Variants in VARS1 observed in about 807,000 individuals in gnomAD.
The protein encoded by VARS1 is valine--tRNA ligase.
VARS1 carries 92 observed loss-of-function variants against 161.0 expected under a neutral mutation model. The ratio of observed to expected loss-of-function variants is 0.57; its 90% CI spans 0.48 to 0.68. VARS1 has a LOEUF of 0.68. Ranked by LOEUF, VARS1 falls within the 30% of genes least tolerant of loss-of-function variation. The pLI is 0.00. For missense variants in VARS1, 1,338 were observed against 1,695.9 expected, an observed-to-expected ratio of 0.79 and a Z score of 3.71; for synonymous variants, 595 against 682.5, an observed-to-expected ratio of 0.87 and a Z score of 2.00.
Position 31,781,158 on chromosome 6 carries a change from T to C in VARS1, c.2545-35A>G. ...AGGTGGGGAGGCCCATGAGACTCAG[T>C]CCTCTCCTTCCCCGGCCTCAGTGCC... On this transcript the variant is annotated intron_variant, in intron 21 of 29. Transcript: ENST00000375663. This position sits in a 1 kb window ranked among gnomAD's most constrained non-coding sequence, Gnocchi z 6.8. 2 of 1,606,846 alleles carry C rather than the reference T, an allele frequency of 1.2e-6. No homozygotes were observed. Among genetic ancestry groups the C allele is most frequent in the Non-Finnish European group, 1.7e-6 (2 of 1,176,118 alleles).
chr6:31,792,687 A>C, intron 4 of VARS1, 70 bp downstream of exon 4: 2 of 1,601,036 alleles, frequency 1.2e-6, no homozygotes, highest in Non-Finnish European at 1.7e-6. Context: ...ATTTCTAGGA[A>C]AAAAAGAAAG....
intron 2 of VARS1, 149 bp downstream of exon 2, chr6:31,794,682 C>A: frequency 8.7e-7 from 1 of 1,148,030 alleles, no homozygotes; most frequent in South Asian, 2.0e-5. Flanking sequence ...ATGAAACGTG[C>A]CCAGGGTTAC....
chr6:31,784,613 G>A lies in VARS1; in HGVS notation c.1449C>T (p.Ser483=), dbSNP rs137996034. 8.7e-6 allele frequency: 14 copies of A among 1,613,240 alleles called. No homozygotes were observed. The East Asian group carries it at 1.3e-4, about 15-fold the overall frequency. Residue 483 remains serine (S), a synonymous_variant, in exon 11 of 30, where the codon TCC becomes TCT. Transcript: ENST00000375663. The surrounding 1 kb of genome is among the most constrained non-coding windows in gnomAD (Gnocchi z 6.1). ...RLVNWSCTLN[S]AISDIEVDKK... The stretch of plus-strand genomic sequence containing the variant: ...GGCGCACCTCAATGTCAGAGATGGC[G>A]GAGTTGAGGGTGCAGGACCAGTTAA...
chr6:31,790,220 CA>C (rs1045478287), intron 8 of VARS1, among the ~76,000 whole-genome samples: 5 of 151,598 alleles, frequency 3.3e-5, no homozygotes, highest in African/African-American at 1.2e-4. Context: ...GCAGGTTGGA[CA>C]AACTTGATAT....
rs1438741334 is a variant in VARS1 at position 31,782,316 on chromosome 6, G to A, written c.2119C>T (p.Arg707Cys). ...DLRILPEAHQ[R>C]TWHAWMDNIR... ...TTGTCCATCCAGGCATGCCATGTGC[G>A]CTGATGGGCCTCAGGCAGGATGCGG... is the stretch of plus-strand genomic sequence containing the variant. Residue 707 changes from arginine to cysteine, a missense_variant, in exon 17 of 30, where the codon CGC becomes TGC. Transcript: ENST00000375663. This position sits in a 1 kb window ranked among gnomAD's most constrained non-coding sequence, Gnocchi z 8.3. The A allele has an allele frequency of 3.7e-6, 6 of 1,613,000 alleles. No individual in the cohort carries two copies. Among genetic ancestry groups the A allele is most frequent in the South Asian group, 1.1e-5 (1 of 91,054 alleles).
intron 2 of VARS1, 79 bp from the exon 3 acceptor site, chr6:31,793,199 C>T: frequency 6.7e-7 from 1 of 1,498,584 alleles, no homozygotes; most frequent in Non-Finnish European, 8.8e-7. Context: ...ATGTGGCCTC[C>T]CTCCACCCCA....
rs1328713017 is a variant in VARS1, at chr6:31,782,038, C to T, written c.2241+49G>A. The T allele has an allele frequency of 6.2e-7, 1 of 1,612,512 alleles. No individual in the cohort carries two copies. Reference sequence around the variant, plus strand: ...CCCCCCACCAAGGACCCAGTAAACCCACCACTCCAGCAGGGTGTCCCAGCA... The same window carrying T: ...CCCCCCACCAAGGACCCAGTAAACCTACCACTCCAGCAGGGTGTCCCAGCA... On this transcript the variant is annotated intron_variant, in intron 18 of 29. Coordinates refer to ENST00000375663, the MANE Select transcript of VARS1 (RefSeq NM_006295.3). The surrounding 1 kb of genome is among the most constrained non-coding windows in gnomAD (Gnocchi z 8.3).
In VARS1 at chr6:31,779,439, C is replaced by T. The variant is rs150145769; in HGVS notation, c.3386G>A (p.Arg1129Gln). ...CTGAGGCTCACAGTCAGGCCGGATCCGGGTGAGGTTGTAGTCGGCCCGCAG... is the reference window on the plus strand; with the variant it reads ...CTGAGGCTCACAGTCAGGCCGGATCTGGGTGAGGTTGTAGTCGGCCCGCAG... ...RSLRADYNLTRIRPDCFLEVA... is the reference protein window; with the variant it reads ...RSLRADYNLTQIRPDCFLEVA... Residue 1129 changes from arginine (R) to glutamine (Q), a missense_variant, in exon 28 of 30, where the codon CGG (arginine) becomes CAG (glutamine). Transcript: ENST00000375663. This position sits in a 1 kb window ranked among gnomAD's most constrained non-coding sequence, Gnocchi z 9.1. 3.6e-4 allele frequency: 583 copies of T among 1,612,084 alleles called. No individual in the cohort carries two copies. The highest frequency in any genetic ancestry group is 4.6e-4 in the Non-Finnish European group (545 of 1,179,978).
At position 31,782,776 on chromosome 6, in the gene VARS1, G is replaced by A; in HGVS notation, c.1832C>T (p.Ala611Val). The A allele has an allele frequency of 6.2e-7, 1 of 1,613,028 alleles. No homozygotes were observed. The highest frequency in any genetic ancestry group is 8.5e-7 in the Non-Finnish European group (1 of 1,180,018). ...YEVGQRHGLE[A>V]ISIMDSRGAL... ...CCCCCGGGAGTCCATGATGCTGATG[G>A]CCTCCAGCCCGTGCCGCTGCCCAAC... Residue 611 changes from alanine (A) to valine (V), a missense_variant, in exon 15 of 30, where the codon GCC (alanine) becomes GTC (valine). Transcript: ENST00000375663. The surrounding 1 kb of genome is among the most constrained non-coding windows in gnomAD (Gnocchi z 8.3).
At position 31,781,404 on chromosome 6, in the gene VARS1, C is replaced by G. The variant is rs945153563; in HGVS notation, c.2544+77G>C. On this transcript the variant is annotated intron_variant, in intron 21 of 29. Coordinates refer to ENST00000375663, the MANE Select transcript of VARS1 (RefSeq NM_006295.3). The surrounding 1 kb of genome is among the most constrained non-coding windows in gnomAD (Gnocchi z 6.8). ...CACAGCTAACCCCATGCCCCAGCCA[C>G]GCGGGGTCTGCGCTGCAGCACAGGA... 1.3e-5 allele frequency: 20 copies of G among 1,559,634 alleles called. No individual in the cohort carries two copies. The highest frequency in any genetic ancestry group is 1.9e-5 in the Admixed American group (1 of 52,086).
In VARS1 at chr6:31,791,894, C is replaced by T; in HGVS notation, c.949G>A (p.Gly317Ser). The T allele has an allele frequency of 6.2e-7, 1 of 1,607,722 alleles. No homozygotes were observed. The highest frequency in any genetic ancestry group is 8.5e-7 in the Non-Finnish European group (1 of 1,176,740). The change falls in exon 7 of 30, where the codon GGC (glycine) becomes AGC (serine). Residue 317 changes from glycine to serine, a missense_variant. Coordinates refer to ENST00000375663, the MANE Select transcript of VARS1 (RefSeq NM_006295.3). The surrounding 1 kb of genome is among the most constrained non-coding windows in gnomAD (Gnocchi z 5.0). ...AAWYPWWEQQGFFKPEYGRPN... is the reference protein window; with the variant it reads ...AAWYPWWEQQSFFKPEYGRPN... The stretch of plus-strand genomic sequence containing the variant: ...ACCCCATACTCTGGCTTGAAGAAGC[C>T]CTGCTGCTCCCACCAAGGGTACCAG...
chr6:31,782,486 G>C lies in VARS1; in HGVS notation c.1992-43C>G, dbSNP rs916864263. 1 of 1,612,568 alleles carries C rather than the reference G, an allele frequency of 6.2e-7. No individual in the cohort carries two copies. Among genetic ancestry groups the C allele is most frequent in the Non-Finnish European group, 8.5e-7 (1 of 1,179,816 alleles). ...TGAGAAGGCCAGGCGGTAAAACCCT[G>C]AGGAGCCCTCCATCTTCCTCCCGTC... On this transcript the variant is annotated intron_variant, in intron 16 of 29. Coordinates refer to ENST00000375663, the MANE Select transcript of VARS1 (RefSeq NM_006295.3). This position sits in a 1 kb window ranked among gnomAD's most constrained non-coding sequence, Gnocchi z 8.3.
Position 31,781,179 on chromosome 6 carries a change from G to A in VARS1, c.2545-56C>T. The A allele has an allele frequency of 6.3e-7, 1 of 1,586,154 alleles. No individual in the cohort carries two copies. Among genetic ancestry groups the A allele is most frequent in the Non-Finnish European group, 8.6e-7 (1 of 1,160,932 alleles). ...TCAGTCCTCTCCTTCCCCGGCCTCA[G>A]TGCCCCGACCAGGACTGTGTCTGGT... On this transcript the variant is annotated intron_variant, in intron 21 of 29. Coordinates refer to ENST00000375663, the MANE Select transcript of VARS1 (RefSeq NM_006295.3). This position sits in a 1 kb window ranked among gnomAD's most constrained non-coding sequence, Gnocchi z 6.8.
rs1364383576 is a variant in VARS1, at chr6:31,784,448, C to A, written c.1522G>T (p.Glu508Ter). The A allele has an allele frequency of 6.2e-7, 1 of 1,614,012 alleles. No individual in the cohort carries two copies. Among genetic ancestry groups the A allele is most frequent in the Non-Finnish European group, 8.5e-7 (1 of 1,180,038 alleles). The change falls in exon 12 of 30, where the codon GAG becomes TAG. Residue 508 changes from glutamate (E) to a stop codon, truncating the protein, a stop_gained. Coordinates refer to ENST00000375663, the MANE Select transcript of VARS1 (RefSeq NM_006295.3). LOFTEE classifies it high-confidence loss of function. The surrounding 1 kb of genome is among the most constrained non-coding windows in gnomAD (Gnocchi z 6.1). ...RTLLSVPGYK[E>*]KVEFGVLVSF... is the part of the protein sequence containing the mutation. ...ACGAGGACCCCGAACTCCACCTTCT[C>A]CTTGTAGCCAGGCACGGAGAGCAGG...
In VARS1 at chr6:31,779,863, C is replaced by T; in HGVS notation, c.3082-49G>A. The T allele has an allele frequency of 6.2e-7, 1 of 1,607,082 alleles. No homozygotes were observed. The highest frequency in any genetic ancestry group is 2.2e-5 in the East Asian group (1 of 44,692). ...TCACGGCTGGAGGTCTAGCCTTGAG[C>T]CCTCGCTGTGCCTGTGAGGACTGGG... is the stretch of plus-strand genomic sequence containing the variant. On this transcript the variant is annotated intron_variant, in intron 26 of 29. Coordinates refer to ENST00000375663, the MANE Select transcript of VARS1 (RefSeq NM_006295.3). This position sits in a 1 kb window ranked among gnomAD's most constrained non-coding sequence, Gnocchi z 9.1.
At chr6:31,789,308 T>C (rs911829685) in intron 8 of VARS1, among the ~76,000 whole-genome samples, 6 of 151,772 alleles carry the variant, frequency 4.0e-5, no homozygotes, top group African/African-American at 1.5e-4. Flanking sequence ...GGGGAAAAGA[T>C]AGATACAGAC....
Position 31,782,118 on chromosome 6 carries a change from G to A in VARS1, c.2210C>T (p.Thr737Ile). 1 of 1,613,924 alleles carries A rather than the reference G, an allele frequency of 6.2e-7. No homozygotes were observed. Among genetic ancestry groups the A allele is most frequent in the Non-Finnish European group, 8.5e-7 (1 of 1,179,926 alleles). ...AGGGGGCACCGCTGGGTCACTGACA[G>A]TGACAAAGTAGGCTGGGATGCGATG... is the stretch of plus-strand genomic sequence containing the variant. ...WGHRIPAYFV[T>I]VSDPAVPPGE... Residue 737 changes from threonine (T) to isoleucine (I), a missense_variant, in exon 18 of 30, where the codon ACT (threonine) becomes ATT (isoleucine). Thr to Ile is a moderately conservative substitution (Grantham distance 89). This residue lies in a region of VARS1 where 902 missense variants were observed against 1,090.3 expected (regional missense o/e 0.83). Transcript: ENST00000375663. This position sits in a 1 kb window ranked among gnomAD's most constrained non-coding sequence, Gnocchi z 8.3.
In VARS1 at chr6:31,783,144, T is replaced by A. The variant is rs1348044875; in HGVS notation, c.1714A>T (p.Ser572Cys). The change falls in exon 14 of 30, where the codon AGC becomes TGC. Residue 572 changes from serine to cysteine, a missense_variant. Coordinates refer to ENST00000375663, the MANE Select transcript of VARS1 (RefSeq NM_006295.3). ...AATTCATCGAAGACAATGGGAAGGC[T>A]CCGAGACAGGAATGGGTGGATCACG... is the stretch of plus-strand genomic sequence containing the variant. ...KNVIHPFLSR[S>C]LPIVFDEFVD... 2 of 1,612,752 alleles carry A rather than the reference T, an allele frequency of 1.2e-6. No individual in the cohort carries two copies. Among genetic ancestry groups the A allele is most frequent in the South Asian group, 1.1e-5 (1 of 91,012 alleles).
Position 31,785,715 on chromosome 6 carries a change from C to T in VARS1, c.1119G>A (p.Glu373=), listed in dbSNP as rs765658632. Residue 373 remains glutamate, a synonymous_variant, in exon 9 of 30, where the codon GAG becomes GAA. Coordinates refer to ENST00000375663, the MANE Select transcript of VARS1 (RefSeq NM_006295.3). This position sits in a 1 kb window ranked among gnomAD's most constrained non-coding sequence, Gnocchi z 6.1. ...SLTRWHRMRG[E]TTLWNPGCDH... ...CACAGCCAGGGTTCCACAGGGTGGTCTCCCCACGCATGCGGTGCCTGTTAG... is the reference window on the plus strand; with the variant it reads ...CACAGCCAGGGTTCCACAGGGTGGTTTCCCCACGCATGCGGTGCCTGTTAG... 6.2e-7 allele frequency: 1 copy of T among 1,611,974 alleles called. No individual in the cohort carries two copies. Among genetic ancestry groups the T allele is most frequent in the African/African-American group, 1.3e-5 (1 of 74,950 alleles).
Sources: gnomAD v4.1 joint callset for allele counts (sites outside exome capture counted in the v4.1 genomes callset) on GRCh38, gnomAD v4.1.1 for gene constraint, gnomAD v4.1.1 regional missense constraint, Gnocchi (gnomAD v3.1) non-coding constraint, MANE v1.5 for transcripts, NCBI Gene and HGNC (gene_info 2026-07-23, HGNC 2026-07-21) for gene names.